PAX6: variants seen among roughly 807,000 people sequenced by gnomAD.
PAX6 encodes the protein paired box 6.
In PAX6, 7 loss-of-function variants were observed where a neutral mutation model predicts 60.7. The ratio of observed to expected loss-of-function variants is 0.12; its 90% CI spans 0.07 to 0.22. The LOEUF is 0.22. Ranked by LOEUF, PAX6 falls within the 10% of genes least tolerant of loss-of-function variation. PAX6 has a pLI of 1.00. For synonymous variants in PAX6, 208 were observed against 201.2 expected, an observed-to-expected ratio of 1.03 and a Z score of -0.29; for missense variants, 355 against 555.2, an observed-to-expected ratio of 0.64 and a Z score of 3.62.
chr11:31,800,245 T>C (rs796567655), intron 8 of PAX6, among the ~76,000 whole-genome samples: 2 of 152,294 alleles, frequency 1.3e-5, no homozygotes, highest in African/African-American at 4.8e-5. Context: ...CACCTTTTCA[T>C]GTGCACCCTA....
At chr11:31,793,052 C>T (rs548230558) in intron 12 of PAX6, 8 of 586,192 alleles carry the variant, frequency 1.4e-5, no homozygotes, top group African/African-American at 1.9e-5. Flanking sequence ...CATACAAACA[C>T]ATTAATATAA....
chr11:31,790,285 G>A, intron 13 of PAX6: 1 of 564,076 alleles, frequency 1.8e-6, no homozygotes. Context: ...CTGTTTGTTT[G>A]CATGTTTGGA....
At chr11:31,790,922 G>C in intron 12 of PAX6, 62 bp from the exon 13 acceptor site, 2 of 1,563,866 alleles carry the variant, frequency 1.3e-6, no homozygotes, top group Non-Finnish European at 1.7e-6. Context: ...ACAGCCCCAG[G>C]CTCCCTCCTC....
intron 4 of PAX6, chr11:31,805,001 G>A (rs1033208528): frequency 3.3e-5 from 5 of 152,294 alleles, no homozygotes; most frequent in African/African-American, 1.2e-4. Flanking sequence ...CTTCCCTAGG[G>A]ACTGCTGGCG....
intron 9 of PAX6, 113 bp from the exon 10 acceptor site, chr11:31,794,227 C>G (rs1950751784): frequency 1.2e-6 from 1 of 802,758 alleles, no homozygotes; most frequent in Admixed American, 1.7e-5. Context: ...CCAACCAATT[C>G]CCTTTAAAAT....
chr11:31,812,691 A>C (rs1957168727), upstream of PAX6: 1 of 152,348 alleles, frequency 6.6e-6, no homozygotes. Context: ...GGAGCCGGGA[A>C]GGAGAAGGAA....
intron 1 of PAX6, chr11:31,816,714 C>A: frequency 2.9e-6 from 2 of 691,096 alleles, no homozygotes; most frequent in South Asian, 1.5e-5. Context: ...CGCCACCGCT[C>A]GGAGTCGGGC....
At chr11:31,808,922 G>C (rs964791023) in intron 2 of PAX6, 1 of 152,248 alleles carries the variant, frequency 6.6e-6, no homozygotes, top group African/African-American at 2.4e-5. Flanking sequence ...GTACGGCCTC[G>C]CTGGGGCCAT....
At chr11:31,814,957 A>T (rs2135440516), upstream of PAX6, 1 of 145,630 alleles carries the variant, frequency 6.9e-6, no homozygotes, top group South Asian at 2.2e-4. Context: ...TTCAGTCCTC[A>T]GTCCTCTTCC....
At chr11:31,815,888 C>T (rs571410976), upstream of PAX6, among the ~76,000 whole-genome samples, 23 of 152,330 alleles carry the variant, frequency 1.5e-4, no homozygotes, top group African/African-American at 5.5e-4. Context: ...AACCGCTGCC[C>T]GGGGGACAGA....
In PAX6 at chr11:31,793,422, C is replaced by G. The variant is rs763118579; in HGVS notation, c.1074+16G>C. On this transcript the variant is annotated intron_variant, in intron 12 of 13. Transcript: ENST00000640368. ...CTGGGGCCTGGGTTATGCAGGCCAC[C>G]ACCAGCCGCACTTACTTGCATAGGC... 1.2e-6 allele frequency: 2 copies of G among 1,609,930 alleles called. No homozygotes were observed. Among genetic ancestry groups the G allele is most frequent in the Admixed American group, 3.3e-5 (2 of 60,022 alleles).
rs1349334107 is a variant in PAX6 at position 31,801,859 on chromosome 11, T to C, written c.183+12A>G. On this transcript the variant is annotated intron_variant, in intron 6 of 13. Coordinates refer to ENST00000640368, the MANE Select transcript of PAX6 (RefSeq NM_001368894.2). Reference sequence around the variant, plus strand: ...AATTGTTTAAGTATGCATTAAACAATGACAAGCTTACGTTTTGATTGTCCA... The same window carrying C: ...AATTGTTTAAGTATGCATTAAACAACGACAAGCTTACGTTTTGATTGTCCA... 1.9e-6 allele frequency: 3 copies of C among 1,614,156 alleles called. No individual in the cohort carries two copies. The highest frequency in any genetic ancestry group is 2.5e-6 in the Non-Finnish European group (3 of 1,179,984).
rs1256022705 is a variant in PAX6 at position 31,789,966 on chromosome 11, C to G, written c.1279G>C (p.Asp427His). ...VPVQVPGSEP[D>H]MSQYWPRLQ is the part of the protein sequence containing the mutation. ...AATCTTGGCCAGTATTGAGACATAT[C>G]AGGTTCACTTCCGGGAACTTGAACT... Residue 427 changes from aspartate (D) to histidine (H), a missense_variant, in exon 14 of 14, where the codon GAT becomes CAT. Asp to His is a moderately conservative substitution (Grantham distance 81). This residue lies in a region of PAX6 where 149 missense variants were observed against 191.9 expected (regional missense o/e 0.78). Coordinates refer to ENST00000640368, the MANE Select transcript of PAX6 (RefSeq NM_001368894.2). The G allele has an allele frequency of 1.3e-6, 2 of 1,486,374 alleles. No individual in the cohort carries two copies. Among genetic ancestry groups the G allele is most frequent in the Non-Finnish European group, 1.8e-6 (2 of 1,090,076 alleles). The allele number at this position is 1,486,374 out of a possible 1,614,324, so 92.1% of individuals were successfully genotyped here. A position where few individuals can be genotyped will look rare whatever the true frequency, so the allele number is the denominator to read the frequency against.
At chr11:31,815,657 G>A (rs1276198078), upstream of PAX6, among the ~76,000 whole-genome samples, 1 of 151,796 alleles carries the variant, frequency 6.6e-6, no homozygotes, top group Non-Finnish European at 1.5e-5. Flanking sequence ...GAGTTAATCT[G>A]CCTGTTAATC....
In PAX6 at chr11:31,810,949, G is replaced by C. The variant is rs1252843645; in HGVS notation, c.-250C>G. The C allele has an allele frequency of 7.5e-6, 3 of 399,138 alleles. No individual in the cohort carries two copies. Among genetic ancestry groups the C allele is most frequent in the African/African-American group, 4.1e-5 (2 of 48,626 alleles). The allele number at this position is 399,138 out of a possible 1,614,324, so 24.7% of individuals were successfully genotyped here. A position where few individuals can be genotyped will look rare whatever the true frequency, so the allele number is the denominator to read the frequency against. On this transcript the variant is annotated 5_prime_UTR_variant, in exon 2 of 14. Transcript: ENST00000640368. ...GGTTTGAAATGACGGTGTTTTAAAG[G>C]AGTTGCTGGTGAGAGTTTTCTCCAC...
At chr11:31,806,267 A>G (rs371937011) in intron 4 of PAX6, 135 bp downstream of exon 4, 1 of 974,430 alleles carries the variant, frequency 1.0e-6, no homozygotes, top group African/African-American at 1.7e-5. Flanking sequence ...AGCGGGGAGC[A>G]GCCGCCGCAG....
At chr11:31,796,625 G>A (rs1331954168) in intron 8 of PAX6, among the ~76,000 whole-genome samples, 1 of 116,784 alleles carries the variant, frequency 8.6e-6, no homozygotes, top group African/African-American at 3.2e-5. Flanking sequence ...AGGATTGGGG[G>A]GCCTGGGTTA....
chr11:31,797,599 G>T (rs1952012456), intron 8 of PAX6, among the ~76,000 whole-genome samples: 1 of 141,832 alleles, frequency 7.1e-6, no homozygotes, highest in African/African-American at 3.0e-5. Flanking sequence ...TCTCTACCCC[G>T]CGGGGAGAGC....
Position 31,800,794 on chromosome 11 carries a change from G to C in PAX6, c.462C>G (p.Asp154Glu), listed in dbSNP as rs1800427. The C allele has an allele frequency of 6.2e-7, 1 of 1,614,174 alleles. No homozygotes were observed. The highest frequency in any genetic ancestry group is 8.5e-7 in the Non-Finnish European group (1 of 1,180,032). ...ACATCCTTAGTTTATCATACATGCC[G>C]TCTGCGCCCATCTGTTGCTTTTCGC... is the stretch of plus-strand genomic sequence containing the variant. ...LASEKQQMGA[D>E]GMYDKLRMLN... is the part of the protein sequence containing the mutation. Residue 154 changes from aspartate (D) to glutamate (E), a missense_variant, in exon 8 of 14, where the codon GAC (aspartate) becomes GAG (glutamate). Physicochemically the swap from Asp to Glu is conservative, Grantham distance 45. Around this residue, in one of 5 missense-constraint regions of PAX6, gnomAD observed 143 missense variants for 183.6 expected, o/e 0.78. Coordinates refer to ENST00000640368, the MANE Select transcript of PAX6 (RefSeq NM_001368894.2).
Sources: allele counts gnomAD v4.1 joint callset (sites outside exome capture counted in the v4.1 genomes callset), GRCh38; gene constraint gnomAD v4.1.1; regional missense constraint gnomAD v4.1.1; transcripts MANE v1.5; gene names NCBI Gene and HGNC (gene_info 2026-07-23, HGNC 2026-07-21).